Variants in SUGCT observed in about 807,000 individuals in gnomAD.
SUGCT encodes the protein succinyl-CoA:glutarate CoA-transferase.
Under a neutral mutation model 55.0 loss-of-function variants are expected in SUGCT, and 41 were observed. The observed-to-expected ratio is 0.74, with a 90% CI of 0.58 to 0.97. SUGCT has a LOEUF of 0.97. Among genes scored for constraint, SUGCT ranks in the 50% least tolerant of loss-of-function variants. The pLI, the probability that SUGCT is intolerant of heterozygous loss-of-function variation, is 0.00. For synonymous variants in SUGCT, 187 were observed against 200.4 expected (o/e 0.93, Z 0.56); for missense variants, 568 against 547.8 (o/e 1.04, Z -0.37).
At chr7:40,530,359 T>C (rs1000008159) in intron 12 of SUGCT, among the ~76,000 whole-genome samples, 31 of 152,204 alleles carry the variant, frequency 2.0e-4, no homozygotes, top group African/African-American at 6.8e-4. Flanking sequence ...TATGACAATA[T>C]AATAGTTTTA....
At position 40,568,213 on chromosome 7, in the gene SUGCT, C is replaced by T. The variant is rs145373617; in HGVS notation, c.1089+71827C>T. Among the ~76,000 whole-genome samples the T allele has an allele frequency of 4.6e-5, 7 of 152,224 alleles. No individual in the cohort carries two copies. The East Asian group carries it at 5.8e-4, about 13-fold the overall frequency. On this transcript the variant is annotated intron_variant, in intron 12 of 13. Coordinates refer to ENST00000335693, the MANE Select transcript of SUGCT (RefSeq NM_001193313.2). Reference sequence around the variant, plus strand: ...TTGATTCAGTGGAAAGTTAGTCAAACGGCTATTTTGTGATGCTGTACCACA... The same window carrying T: ...TTGATTCAGTGGAAAGTTAGTCAAATGGCTATTTTGTGATGCTGTACCACA...
the SUGCT span, among the ~76,000 whole-genome samples, chr7:41,030,491 G>A: frequency 8.7e-3 from 1,326 of 152,210 alleles, 14 homozygotes; most frequent in African/African-American, 0.03. Flanking sequence ...AAAATAATAA[G>A]CAAATAAACA....
At chr7:40,379,536 G>T (rs1316505965) in intron 9 of SUGCT, among the ~76,000 whole-genome samples, 13 of 152,026 alleles carry the variant, frequency 8.6e-5, no homozygotes, top group Admixed American at 8.5e-4. Flanking sequence ...ATTTGTTGTT[G>T]TTTTCCTGGT....
intron 12 of SUGCT, among the ~76,000 whole-genome samples, chr7:40,568,628 C>A (rs1796275133): frequency 6.6e-6 from 1 of 152,152 alleles, no homozygotes; most frequent in African/African-American, 2.4e-5. Flanking sequence ...TGAAGCATGG[C>A]TTGTCCAGAC....
chr7:40,497,333 A>G (rs151077214), intron 12 of SUGCT, among the ~76,000 whole-genome samples: 14 of 152,290 alleles, frequency 9.2e-5, no homozygotes, highest in African/African-American at 2.6e-4. Flanking sequence ...TCTTACATGA[A>G]TATCTGCTTA....
intron 12 of SUGCT, among the ~76,000 whole-genome samples, chr7:40,600,620 C>T (rs762737452): frequency 2.0e-5 from 3 of 152,054 alleles, no homozygotes; most frequent in African/African-American, 4.8e-5. Flanking sequence ...GCCTCAAATA[C>T]CTTTGGGAAG....
chr7:40,913,632 C>G, the SUGCT span, among the ~76,000 whole-genome samples: 1 of 152,200 alleles, frequency 6.6e-6, no homozygotes, highest in Admixed American at 6.5e-5. Flanking sequence ...AGCATTTGTT[C>G]TCCCCATTCA....
chr7:40,439,236 T>A (rs1156645258), intron 9 of SUGCT, among the ~76,000 whole-genome samples: 1 of 150,880 alleles, frequency 6.6e-6, no homozygotes, highest in Non-Finnish European at 1.5e-5. Flanking sequence ...ATTGAAGCAT[T>A]CTACATTCTA....
At chr7:40,184,702 A>G (rs1785399398) in intron 3 of SUGCT, among the ~76,000 whole-genome samples, 1 of 152,154 alleles carries the variant, frequency 6.6e-6, no homozygotes, top group African/African-American at 2.4e-5. Context: ...ATCTGATCCT[A>G]CGGGTCTTAA....
the SUGCT span, among the ~76,000 whole-genome samples, chr7:40,919,469 G>T: frequency 1.3e-5 from 2 of 152,138 alleles, no homozygotes; most frequent in Admixed American, 6.5e-5. Context: ...CCAAACGGGG[G>T]GTTCTTAATA....
chr7:40,705,729 G>C (rs1785366642), intron 12 of SUGCT, among the ~76,000 whole-genome samples: 1 of 152,172 alleles, frequency 6.6e-6, no homozygotes, highest in Non-Finnish European at 1.5e-5. Context: ...ACTTAACTGT[G>C]CTGCTGGTGC....
intron 13 of SUGCT, among the ~76,000 whole-genome samples, chr7:40,836,708 C>T (rs1362665717): frequency 1.3e-5 from 2 of 152,132 alleles, no homozygotes; most frequent in African/African-American, 4.8e-5. Context: ...TTATACTGCA[C>T]GTAACTTCTT....
intron 1 of SUGCT, among the ~76,000 whole-genome samples, chr7:40,173,880 T>C (rs1784796992): frequency 6.7e-6 from 1 of 149,030 alleles, no homozygotes; most frequent in Non-Finnish European, 1.5e-5. Flanking sequence ...TATAGTTATT[T>C]GTATAACATA....
intron 9 of SUGCT, among the ~76,000 whole-genome samples, chr7:40,424,138 A>G (rs1787462130): frequency 6.6e-6 from 1 of 152,164 alleles, no homozygotes; most frequent in African/African-American, 2.4e-5. Flanking sequence ...TGTTAAAAAC[A>G]GTCGAGTCCA....
intron 12 of SUGCT, among the ~76,000 whole-genome samples, chr7:40,690,149 G>A (rs1784631102): frequency 6.6e-6 from 1 of 152,166 alleles, no homozygotes; most frequent in African/African-American, 2.4e-5. Context: ...AGTCCAAAAA[G>A]GATGCCGAAA....
chr7:40,394,258 A>G (rs1320231575), intron 9 of SUGCT, among the ~76,000 whole-genome samples: 1 of 152,118 alleles, frequency 6.6e-6, no homozygotes, highest in Non-Finnish European at 1.5e-5. Flanking sequence ...TGATTTGACT[A>G]TGTAGCCATG....
intron 13 of SUGCT, among the ~76,000 whole-genome samples, chr7:40,854,688 T>G (rs1426405567): frequency 6.6e-6 from 1 of 151,946 alleles, no homozygotes; most frequent in Non-Finnish European, 1.5e-5. Flanking sequence ...GCTCCTGTAT[T>G]CTTAGCTACT....
At chr7:40,794,309 G>A (rs1180137879) in intron 13 of SUGCT, among the ~76,000 whole-genome samples, 1 of 152,012 alleles carries the variant, frequency 6.6e-6, no homozygotes, top group Non-Finnish European at 1.5e-5. Context: ...ACCTTATAAT[G>A]TTTGTTACTC....
intron 9 of SUGCT, among the ~76,000 whole-genome samples, chr7:40,439,604 A>G (rs1173178598): frequency 1.3e-5 from 2 of 152,124 alleles, no homozygotes; most frequent in Non-Finnish European, 2.9e-5. Context: ...TCCCGGTGCT[A>G]CGCCACTGTC....
Sources: allele counts gnomAD v4.1 joint callset (sites outside exome capture counted in the v4.1 genomes callset), GRCh38; gene constraint gnomAD v4.1.1; transcripts MANE v1.5; gene names NCBI Gene and HGNC (gene_info 2026-07-23, HGNC 2026-07-21).